Variants in TENM3 observed in about 807,000 individuals in gnomAD.
The protein encoded by TENM3 is teneurin-3.
In TENM3, 63 loss-of-function variants were observed where a neutral mutation model predicts 255.1. The observed-to-expected ratio is 0.25, with a 90% CI of 0.20 to 0.30. The LOEUF (loss-of-function observed/expected upper bound fraction) is 0.30, where lower values mean the gene tolerates loss of function less well. Ranked by LOEUF, TENM3 falls within the 10% of genes least tolerant of loss-of-function variation. The pLI is 1.00. For synonymous variants in TENM3, 1,306 were observed against 1,322.3 expected, an observed-to-expected ratio of 0.99 and a Z score of 0.27; for missense variants, 2,929 against 3,461.1, an observed-to-expected ratio of 0.85 and a Z score of 3.86.
At chr4:181,923,894 T>C in the TENM3 span, among the ~76,000 whole-genome samples, 1 of 152,186 alleles carries the variant, frequency 6.6e-6, no homozygotes, top group South Asian at 2.1e-4. Context: ...AAAACTGTTG[T>C]TGTACCTAGT....
At chr4:182,013,547 C>T in the TENM3 span, among the ~76,000 whole-genome samples, 42 of 152,290 alleles carry the variant, frequency 2.8e-4, no homozygotes, top group African/African-American at 9.4e-4. Flanking sequence ...GCACCGCTTA[C>T]TAATCCAGGC....
chr4:182,626,475 C>T (rs1750826450), intron 4 of TENM3, among the ~76,000 whole-genome samples: 1 of 152,162 alleles, frequency 6.6e-6, no homozygotes, highest in South Asian at 2.1e-4. Flanking sequence ...TGCATTACTT[C>T]ATTTAATCCT....
chr4:181,638,726 GT>G, the TENM3 span, among the ~76,000 whole-genome samples: 47 of 152,160 alleles, frequency 3.1e-4, no homozygotes, highest in Middle Eastern at 3.4e-3. Context: ...GAGATGGTGG[GT>G]TTTTTTAAAA....
chr4:182,081,841 A>C, the TENM3 span: 1 of 152,072 alleles, frequency 6.6e-6, no homozygotes, highest in African/African-American at 2.4e-5. Context: ...GCGAAAAAAA[A>C]AATGTTACTA....
the TENM3 span, among the ~76,000 whole-genome samples, chr4:181,801,018 C>A: frequency 2.0e-5 from 3 of 152,036 alleles, no homozygotes; most frequent in African/African-American, 7.2e-5. Context: ...TGTGTTATGG[C>A]GAGTTGGGAA....
At chr4:182,788,393 G>A (rs1038003492) in intron 24 of TENM3, among the ~76,000 whole-genome samples, 19 of 152,188 alleles carry the variant, frequency 1.2e-4, no homozygotes, top group Non-Finnish European at 2.5e-4. Context: ...CCAAGGCTCT[G>A]GACGTGGCAC....
At chr4:181,473,442 A>G in the TENM3 span, among the ~76,000 whole-genome samples, 1 of 151,996 alleles carries the variant, frequency 6.6e-6, no homozygotes, top group African/African-American at 2.4e-5. Context: ...AATTTAAAAA[A>G]TTAGCTGGGG....
intron 16 of TENM3, among the ~76,000 whole-genome samples, chr4:182,734,122 C>T (rs1461708846): frequency 1.3e-5 from 2 of 152,152 alleles, no homozygotes; most frequent in Non-Finnish European, 2.9e-5. Context: ...AAGAATGATA[C>T]AAGTTCAAAG....
At chr4:182,317,767 G>A (rs898801564) in intron 1 of TENM3, among the ~76,000 whole-genome samples, 1 of 151,330 alleles carries the variant, frequency 6.6e-6, no homozygotes, top group Non-Finnish European at 1.5e-5. Flanking sequence ...TTCAATTTTT[G>A]GATTTATACA....
chr4:181,799,222 A>G, the TENM3 span, among the ~76,000 whole-genome samples: 2 of 152,278 alleles, frequency 1.3e-5, no homozygotes, highest in Non-Finnish European at 2.9e-5. Flanking sequence ...GGATCTGATT[A>G]ATAAAGCGAG....
At chr4:181,472,362 G>T in the TENM3 span, among the ~76,000 whole-genome samples, 1 of 151,938 alleles carries the variant, frequency 6.6e-6, no homozygotes, top group East Asian at 2.0e-4. Context: ...AGTGGCTGGA[G>T]AAATTGGGGA....
At chr4:182,740,574 A>G (rs1260249621) in intron 18 of TENM3, among the ~76,000 whole-genome samples, 3 of 152,242 alleles carry the variant, frequency 2.0e-5, no homozygotes, top group African/African-American at 7.2e-5. Context: ...ATGAGAGTAT[A>G]GGGTAAAGTT....
chr4:181,498,526 T>C, the TENM3 span, among the ~76,000 whole-genome samples: 3 of 152,052 alleles, frequency 2.0e-5, no homozygotes, highest in Admixed American at 2.0e-4. Context: ...CTGAAGAAAA[T>C]AGAGGTTCTA....
At chr4:182,396,478 T>C (rs1768817425) in intron 3 of TENM3, among the ~76,000 whole-genome samples, 1 of 152,220 alleles carries the variant, frequency 6.6e-6, no homozygotes, top group Admixed American at 6.5e-5. Context: ...AAAACAACAG[T>C]GGCTGGCACA....
At chr4:182,373,802 T>C (rs1261760776) in intron 3 of TENM3, among the ~76,000 whole-genome samples, 1 of 152,236 alleles carries the variant, frequency 6.6e-6, no homozygotes, top group Non-Finnish European at 1.5e-5. Flanking sequence ...CTAAGGGGAA[T>C]TGTGACTTTC....
At chr4:181,450,490 C>T in the TENM3 span, among the ~76,000 whole-genome samples, 5 of 152,140 alleles carry the variant, frequency 3.3e-5, no homozygotes, top group African/African-American at 1.2e-4. Context: ...TCCTTTTCCG[C>T]CTAACAATTT....
chr4:181,618,967 C>A, the TENM3 span, among the ~76,000 whole-genome samples: 13 of 152,304 alleles, frequency 8.5e-5, 1 homozygote, highest in South Asian at 6.2e-4. Flanking sequence ...TACTTCTGCA[C>A]CCTGCTTGGC....
chr4:181,916,664 G>C, the TENM3 span, among the ~76,000 whole-genome samples: 3 of 152,094 alleles, frequency 2.0e-5, no homozygotes, highest in Admixed American at 6.6e-5. Context: ...CGATCACGAG[G>C]TCAGGAGATC....
chr4:182,398,834 C>A (rs1769032114), intron 3 of TENM3, among the ~76,000 whole-genome samples: 1 of 152,152 alleles, frequency 6.6e-6, no homozygotes, highest in African/African-American at 2.4e-5. Flanking sequence ...CTTGGCAGCA[C>A]CTTGGGTTCT....
Sources: gnomAD v4.1 joint callset for allele counts (sites outside exome capture counted in the v4.1 genomes callset) on GRCh38, gnomAD v4.1.1 for gene constraint, MANE v1.5 for transcripts, NCBI Gene and HGNC (gene_info 2026-07-23, HGNC 2026-07-21) for gene names.